The following FMO2 variants were observed in gnomAD, a reference collection of about 807,000 sequenced individuals.
The protein encoded by FMO2 is flavin-containing monooxygenase 2.
Under a neutral mutation model 41.6 loss-of-function variants are expected in FMO2, and 33 were observed. The observed-to-expected ratio is 0.79, with a 90% CI of 0.60 to 1.06. The LOEUF is 1.06. Among genes scored for constraint, FMO2 ranks in the 50% least tolerant of loss-of-function variants. The probability of loss-of-function intolerance (pLI) is 0.00; values close to 1 mark genes in which losing one functional copy is unlikely to be tolerated. For missense variants in FMO2, 619 were observed against 632.9 expected (o/e 0.98, Z 0.23); for synonymous variants, 214 against 219.6 (o/e 0.97, Z 0.23).
rs1368593167 is a variant in FMO2, at chr1:171,205,434, C to G, written c.983C>G (p.Ala328Gly). Residue 328 changes from alanine (A) to glycine (G), a missense_variant, in exon 7 of 9, where the codon GCA becomes GGA. By Grantham distance (60) the Ala-to-Gly change is moderately conservative (BLOSUM62 0). Coordinates refer to ENST00000209929, the MANE Select transcript of FMO2 (RefSeq NM_001460.5). ...VEENIDVIIF[A>G]TGYSFSFPFL... ...GAGAACATTGATGTCATCATTTTTG[C>G]AACAGGATATAGTTTCTCTTTTCCC... 1.1e-5 allele frequency: 18 copies of G among 1,613,848 alleles called. 1 individual carries two copies. Among genetic ancestry groups the G allele is most frequent in the Non-Finnish European group, 1.5e-5 (18 of 1,179,844 alleles).
chr1:171,207,661 G>C (rs371486762), intron 7 of FMO2, 57 bp from the exon 8 acceptor site: 16 of 1,146,188 alleles, frequency 1.4e-5, no homozygotes, highest in Non-Finnish European at 2.0e-5. Context: ...TCAACAACTA[G>C]ACAAAGTAAT....
At chr1:171,197,515 G>A (rs1369322750) in intron 4 of FMO2, among the ~76,000 whole-genome samples, 2 of 152,142 alleles carry the variant, frequency 1.3e-5, no homozygotes, top group Non-Finnish European at 2.9e-5. Context: ...TTCTCAAATA[G>A]AGTCACCTGG....
chr1:171,197,050 A>G (rs1658336605), intron 4 of FMO2, among the ~76,000 whole-genome samples: 1 of 152,154 alleles, frequency 6.6e-6, no homozygotes, highest in Non-Finnish European at 1.5e-5. Context: ...TCCTTGGCAT[A>G]ATTTTAGAGA....
intron 2 of FMO2, among the ~76,000 whole-genome samples, chr1:171,189,481 CTTAA>C (rs1657986199): frequency 6.6e-6 from 1 of 151,948 alleles, no homozygotes; most frequent in Non-Finnish European, 1.5e-5. Flanking sequence ...AGCCAGGGAA[CTTAA>C]TTAGGGGGTT....
At position 171,196,840 on chromosome 1, in the gene FMO2, TG is replaced by T. The variant is rs1658331521; in HGVS notation, c.484+31del. ...AGACCCGCTGGGATTCCCAGCTTTT[TG>T]GAGTAGGTTTCCAGGTACTTTATAT... On this transcript the variant is annotated intron_variant, in intron 4 of 8. Transcript: ENST00000209929. The T allele has an allele frequency of 1.2e-5, 20 of 1,603,400 alleles. No individual in the cohort carries two copies. The East Asian group carries it at 4.5e-4, about 36-fold the overall frequency.
intron 6 of FMO2, among the ~76,000 whole-genome samples, 184 bp downstream of exon 6, chr1:171,204,248 T>G (rs1390741985): frequency 6.6e-6 from 1 of 152,128 alleles, no homozygotes; most frequent in Non-Finnish European, 1.5e-5. Context: ...AAAAAATACT[T>G]AAGAAGATGA....
At chr1:171,185,484 A>G in intron 1 of FMO2, 125 bp downstream of exon 1, 1 of 421,722 alleles carries the variant, frequency 2.4e-6, no homozygotes, top group Non-Finnish European at 4.3e-6. Context: ...GCTTTTAAAT[A>G]TTAAAGCTAG....
At chr1:171,199,209 T>G in intron 4 of FMO2, 137 bp from the exon 5 acceptor site, 1 of 772,326 alleles carries the variant, frequency 1.3e-6, no homozygotes, top group Non-Finnish European at 2.0e-6. Flanking sequence ...AACTTTCTTA[T>G]GTGCTTTACT....
chr1:171,186,709 A>G (rs6656513), intron 2 of FMO2, among the ~76,000 whole-genome samples: 2,112 of 152,322 alleles, frequency 0.014, 44 homozygotes, highest in African/African-American at 0.049. Context: ...GGATGGGGAC[A>G]CAAAGCCAAA....
chr1:171,205,735 AG>A (rs1301876496), intron 7 of FMO2, 101 bp downstream of exon 7: 2 of 746,938 alleles, frequency 2.7e-6, no homozygotes, highest in East Asian at 2.7e-5. Context: ...GCCAAGAAAA[AG>A]TTTGACAACC....
At chr1:171,207,216 T>A (rs894710196) in intron 7 of FMO2, among the ~76,000 whole-genome samples, 1 of 152,150 alleles carries the variant, frequency 6.6e-6, no homozygotes, top group East Asian at 1.9e-4. Context: ...TCTGCATCAA[T>A]CTTTCCCTAT....
At chr1:171,189,159 T>C (rs1383819352) in intron 2 of FMO2, among the ~76,000 whole-genome samples, 1 of 152,206 alleles carries the variant, frequency 6.6e-6, no homozygotes. Flanking sequence ...TAACCTTCTC[T>C]GTTTCCTTTA....
chr1:171,197,972 G>C (rs1055183504), intron 4 of FMO2, among the ~76,000 whole-genome samples: 1 of 152,084 alleles, frequency 6.6e-6, no homozygotes, highest in African/African-American at 2.4e-5. Context: ...TAAAATATTC[G>C]GTTTCAGATA....
chr1:171,186,063 A>G (rs1156925452), intron 2 of FMO2: 1 of 396,936 alleles, frequency 2.5e-6, no homozygotes, highest in East Asian at 4.0e-5. Context: ...CATGTAAAAG[A>G]TCTCTTCTTT....
intron 2 of FMO2, among the ~76,000 whole-genome samples, chr1:171,190,337 TAGA>T (rs1480407816): frequency 1.3e-5 from 2 of 152,198 alleles, no homozygotes; most frequent in African/African-American, 2.4e-5. Context: ...AATTCTATAT[TAGA>T]AGAATTCTTT....
chr1:171,205,604 C>G lies in FMO2; in HGVS notation c.1153C>G (p.Gln385Glu). 6.2e-7 allele frequency: 1 copy of G among 1,611,690 alleles called. No homozygotes were observed. Among genetic ancestry groups the G allele is most frequent in the South Asian group, 1.1e-5 (1 of 90,630 alleles). ...TTCCATTTTCCCAACTGCTGAACTT[C>G]AAGCTCGTTGGGTGACAAGAGTTTT... is the stretch of plus-strand genomic sequence containing the variant. Reference protein sequence around the residue: ...LGSIFPTAELQARWVTRVFKG... With the variant: ...LGSIFPTAELEARWVTRVFKG... The change falls in exon 7 of 9, where the codon CAA (glutamine) becomes GAA (glutamate). Residue 385 changes from glutamine (Q) to glutamate (E), a missense_variant. Physicochemically the swap from Gln to Glu is conservative, Grantham distance 29. Coordinates refer to ENST00000209929, the MANE Select transcript of FMO2 (RefSeq NM_001460.5).
chr1:171,188,748 A>G lies in FMO2; in HGVS notation c.132+2903A>G, dbSNP rs139902036. On this transcript the variant is annotated intron_variant, in intron 2 of 8. Transcript: ENST00000209929. ...ACAACTCCTACTGGGATTACTTAAC[A>G]TATTTGGTGGTGACAAGTTAACAAT... 2.7e-4 allele frequency among the ~76,000 whole-genome samples: 41 copies of G among 152,222 alleles called. No homozygotes were observed. In the East Asian group the frequency reaches 6.9e-3, roughly 26 times the overall value.
Position 171,186,043 on chromosome 1 carries a change from C to T in FMO2, c.132+198C>T, listed in dbSNP as rs145566372. ...GTCAATACTAACCCAACCCAGGTAG[C>T]TGACCCAGGCATGTAAAAGATCTCT... On this transcript the variant is annotated intron_variant, in intron 2 of 8. Transcript: ENST00000209929. 220 of 458,466 alleles carry T rather than the reference C, an allele frequency of 4.8e-4. 2 individuals carry two copies. The East Asian group carries it at 7.4e-3, about 15-fold the overall frequency. 28.4% of individuals were successfully genotyped at this position (458,466 alleles called of 1,614,324 possible).
chr1:171,199,908 G>A (rs1474639435), intron 5 of FMO2, among the ~76,000 whole-genome samples: 1 of 151,938 alleles, frequency 6.6e-6, no homozygotes, highest in Admixed American at 6.6e-5. Context: ...TAGAGATGAG[G>A]GTCTTGCCAT....
Sources: gnomAD v4.1 joint callset for allele counts (sites outside exome capture counted in the v4.1 genomes callset) on GRCh38, gnomAD v4.1.1 for gene constraint, MANE v1.5 for transcripts, NCBI Gene and HGNC (gene_info 2026-07-23, HGNC 2026-07-21) for gene names.